Variants in CNTN4 observed in about 807,000 individuals in gnomAD.
CNTN4 encodes contactin 4.
CNTN4 carries 77 observed loss-of-function variants against 122.5 expected under a neutral mutation model. The observed-to-expected ratio is 0.63, with a 90% CI of 0.52 to 0.76. The LOEUF (loss-of-function observed/expected upper bound fraction) is 0.76. Ranked by LOEUF, CNTN4 falls within the 30% of genes least tolerant of loss-of-function variation. The probability of loss-of-function intolerance (pLI) is 0.00; values close to 1 mark genes in which losing one functional copy is unlikely to be tolerated. For synonymous variants in CNTN4, 512 were observed against 447.0 expected (o/e 1.15, Z -1.83); for missense variants, 1,256 against 1,259.1 (o/e 1.00, Z 0.04).
intron 4 of CNTN4, among the ~76,000 whole-genome samples, chr3:2,675,636 A>T (rs989089592): frequency 6.6e-6 from 1 of 152,248 alleles, no homozygotes; most frequent in East Asian, 1.9e-4. Flanking sequence ...GGTCTGGCAC[A>T]TAGTACATGC....
At chr3:2,113,642 T>C (rs2125149656) in intron 2 of CNTN4, among the ~76,000 whole-genome samples, 1 of 152,200 alleles carries the variant, frequency 6.6e-6, no homozygotes, top group Non-Finnish European at 1.5e-5. Flanking sequence ...GGATGAAGGA[T>C]AGGTACAGTT....
rs775094915 is a variant in CNTN4, at chr3:2,779,250, TTTGTTTG to T, written c.358+33556_358+33562del. ...TCAGGTTGTGGTGTTGTTTGTTTTG[TTTGTTTG>T]TTTGTTTGTTTGTTTTTGTTGGTTC... On this transcript the variant is annotated intron_variant, in intron 6 of 24. Transcript: ENST00000418658. 4.5e-5 allele frequency among the ~76,000 whole-genome samples: 6 copies of T among 133,378 alleles called. No individual in the cohort carries two copies. In the East Asian group the frequency reaches 9.8e-4, roughly 22 times the overall value. 87.5% of individuals were successfully genotyped at this position (133,378 alleles called of 152,430 possible). A position where few individuals can be genotyped will look rare whatever the true frequency, so the allele number is the denominator to read the frequency against.
intron 3 of CNTN4, among the ~76,000 whole-genome samples, chr3:2,344,681 C>G (rs569495616): frequency 6.6e-6 from 1 of 152,246 alleles, no homozygotes; most frequent in South Asian, 2.1e-4. Flanking sequence ...TACTGACTAC[C>G]TCTCTCATAT....
At chr3:2,733,340 G>A (rs181438790) in intron 4 of CNTN4, among the ~76,000 whole-genome samples, 2 of 152,240 alleles carry the variant, frequency 1.3e-5, no homozygotes, top group Admixed American at 1.3e-4. Context: ...CGAATAACAT[G>A]TTTCATTTAC....
chr3:2,798,053 ATT>A (rs374395042), intron 6 of CNTN4, among the ~76,000 whole-genome samples: 1 of 125,074 alleles, frequency 8.0e-6, no homozygotes, highest in Admixed American at 8.8e-5. Flanking sequence ...CCCATTAAGT[ATT>A]TTTTTTTAAT....
chr3:2,121,227 G>A (rs1173602752), intron 2 of CNTN4, among the ~76,000 whole-genome samples: 1 of 152,004 alleles, frequency 6.6e-6, no homozygotes, highest in Non-Finnish European at 1.5e-5. Context: ...TCAGGCATAA[G>A]AAATTATATG....
At chr3:2,762,000 G>A (rs2149696646) in intron 6 of CNTN4, among the ~76,000 whole-genome samples, 1 of 152,190 alleles carries the variant, frequency 6.6e-6, no homozygotes, top group East Asian at 1.9e-4. Context: ...AATACCAACT[G>A]GATAGCAAGC....
intron 6 of CNTN4, among the ~76,000 whole-genome samples, chr3:2,811,453 T>TTATA (rs1244039579): frequency 8.4e-6 from 1 of 119,614 alleles, no homozygotes; most frequent in Non-Finnish European, 1.7e-5. Flanking sequence ...TTTTATTTTA[T>TTATA]TATTTATTTA....
intron 3 of CNTN4, among the ~76,000 whole-genome samples, chr3:2,413,956 T>G (rs1247032296): frequency 6.6e-6 from 1 of 152,200 alleles, no homozygotes; most frequent in Non-Finnish European, 1.5e-5. Flanking sequence ...CAACTCAGTA[T>G]TTAGCCTAAT....
chr3:2,828,582 A>C (rs1576964508), intron 7 of CNTN4, among the ~76,000 whole-genome samples: 1 of 152,202 alleles, frequency 6.6e-6, no homozygotes, highest in African/African-American at 2.4e-5. Context: ...TGAAACATGC[A>C]TTCTGATTTC....
At chr3:2,934,054 G>A (rs945896709) in intron 13 of CNTN4, among the ~76,000 whole-genome samples, 3 of 152,130 alleles carry the variant, frequency 2.0e-5, no homozygotes, top group Admixed American at 6.5e-5. Flanking sequence ...AGGAGTAAGC[G>A]CTTGGTGCTT....
chr3:2,224,247 G>T (rs758647990), intron 2 of CNTN4, among the ~76,000 whole-genome samples: 2 of 152,110 alleles, frequency 1.3e-5, no homozygotes, highest in African/African-American at 4.8e-5. Context: ...ATATTTTCGG[G>T]TGGTGTGTCC....
At chr3:2,559,716 T>G (rs2078868865) in intron 3 of CNTN4, among the ~76,000 whole-genome samples, 1 of 152,192 alleles carries the variant, frequency 6.6e-6, no homozygotes, top group Non-Finnish European at 1.5e-5. Flanking sequence ...AAAATGATTT[T>G]ATACCAAATA....
chr3:2,660,352 A>C (rs1379871073), intron 4 of CNTN4, among the ~76,000 whole-genome samples: 2 of 152,254 alleles, frequency 1.3e-5, no homozygotes, highest in African/African-American at 4.8e-5. Context: ...TGTTATATCA[A>C]CCAAGTATTT....
rs1214625218 is a variant in CNTN4 at position 2,486,718 on chromosome 3, A to G, written c.-88-84698A>G. Among the ~76,000 whole-genome samples, 3 of 152,298 alleles carry G rather than the reference A, an allele frequency of 2.0e-5. No individual in the cohort carries two copies. The East Asian group carries it at 5.8e-4, about 29-fold the overall frequency. On this transcript the variant is annotated intron_variant, in intron 3 of 24. Coordinates refer to ENST00000418658, the MANE Select transcript of CNTN4 (RefSeq NM_175607.3). The stretch of plus-strand genomic sequence containing the variant: ...TTGTTACTGTCTCCATAAATTTTAT[A>G]TATTTTCTGAATAACATTTATTTGG...
At chr3:2,227,409 T>C (rs1430263602) in intron 2 of CNTN4, among the ~76,000 whole-genome samples, 4 of 151,990 alleles carry the variant, frequency 2.6e-5, no homozygotes, top group Admixed American at 2.0e-4. Context: ...CTTCATAGTC[T>C]CATCATAGCT....
At position 2,688,386 on chromosome 3, in the gene CNTN4, C is replaced by G. The variant is rs79091377; in HGVS notation, c.56-47829C>G. ...TTGATGTGAAAGGTACGAGTCATGC[C>G]AGGCTCGGCACCAGCCAATTACCGA... On this transcript the variant is annotated intron_variant, in intron 4 of 24. Coordinates refer to ENST00000418658, the MANE Select transcript of CNTN4 (RefSeq NM_175607.3). Among the ~76,000 whole-genome samples the G allele has an allele frequency of 7.8e-3, 1,182 of 152,300 alleles. 9 individuals carry two copies. Among genetic ancestry groups the G allele is most frequent in the African/African-American group, 0.025 (1,027 of 41,564 alleles).
chr3:2,682,756 T>C (rs187259420), intron 4 of CNTN4, among the ~76,000 whole-genome samples: 1 of 152,274 alleles, frequency 6.6e-6, no homozygotes, highest in Non-Finnish European at 1.5e-5. Flanking sequence ...AATTGCACCC[T>C]GTATCATATC....
rs57086556 is a variant in CNTN4 at position 2,746,086 on chromosome 3, T to TAC, written c.358+413_358+414dup. On this transcript the variant is annotated intron_variant, in intron 6 of 24. Transcript: ENST00000418658. ...TATAAGCAAGCAATTGAACAAATTTTACACACACACACACACACACACACA... is the reference window on the plus strand; with the variant it reads ...TATAAGCAAGCAATTGAACAAATTTTACACACACACACACACACACACACACA... Among the ~76,000 whole-genome samples, 160 of 46,282 alleles carry TAC rather than the reference T, an allele frequency of 3.5e-3. 1 individual carries two copies. Among genetic ancestry groups the TAC allele is most frequent in the Middle Eastern group, 0.011 (1 of 94 alleles). 30.4% of individuals were successfully genotyped at this position (46,282 alleles called of 152,430 possible).
Sources: allele counts gnomAD v4.1 joint callset (sites outside exome capture counted in the v4.1 genomes callset), GRCh38; gene constraint gnomAD v4.1.1; transcripts MANE v1.5; gene names NCBI Gene and HGNC (gene_info 2026-07-23, HGNC 2026-07-21).